The following DPYD variants were observed in gnomAD, a reference collection of about 807,000 sequenced individuals.
The protein encoded by DPYD is dihydropyrimidine dehydrogenase, also known as dihydropyrimidine dehydrogenase [NADP(+)].
Under a neutral mutation model 116.2 loss-of-function variants are expected in DPYD, and 109 were observed. That is an observed-to-expected ratio of 0.94 (90% CI 0.80 to 1.10). The LOEUF (loss-of-function observed/expected upper bound fraction) is 1.10, where lower values mean the gene tolerates loss of function less well. Among genes scored for constraint, DPYD ranks in the 50% least tolerant of loss-of-function variants. The probability of loss-of-function intolerance (pLI) is 0.00; values close to 1 mark genes in which losing one functional copy is unlikely to be tolerated. For missense variants in DPYD, 1,302 were observed against 1,254.5 expected (o/e 1.04, Z -0.57); for synonymous variants, 440 against 432.0 (o/e 1.02, Z -0.23).
intron 3 of DPYD, among the ~76,000 whole-genome samples, chr1:97,820,916 G>C (rs190802006): frequency 6.6e-6 from 1 of 152,010 alleles, no homozygotes; most frequent in Non-Finnish European, 1.5e-5. Flanking sequence ...ACTCCCAATA[G>C]TATTTTTATT....
At chr1:97,109,407 T>A (rs1651427376) in intron 20 of DPYD, among the ~76,000 whole-genome samples, 1 of 152,154 alleles carries the variant, frequency 6.6e-6, no homozygotes, top group Admixed American at 6.6e-5. Flanking sequence ...AAAATGCTAC[T>A]GCTTTCATGG....
At chr1:97,829,920 T>A (rs1394979264) in intron 2 of DPYD, among the ~76,000 whole-genome samples, 2 of 150,548 alleles carry the variant, frequency 1.3e-5, no homozygotes, top group Non-Finnish European at 3.0e-5. Flanking sequence ...CCAGACAGGC[T>A]CCAGTGTGGG....
intron 18 of DPYD, among the ~76,000 whole-genome samples, chr1:97,237,233 T>C (rs1381938855): frequency 8.5e-6 from 1 of 117,626 alleles, no homozygotes; most frequent in Non-Finnish European, 1.7e-5. Context: ...AAGAGCAAGA[T>C]TCTGTCTCAA....
intron 12 of DPYD, among the ~76,000 whole-genome samples, chr1:97,537,448 T>C (rs865981302): frequency 1.8e-4 from 27 of 152,140 alleles, no homozygotes; most frequent in Non-Finnish European, 2.8e-4. Flanking sequence ...TCCTTTAAAA[T>C]GTCCCCAAAT....
At chr1:97,903,509 C>G (rs535480295) in intron 1 of DPYD, among the ~76,000 whole-genome samples, 24 of 151,914 alleles carry the variant, frequency 1.6e-4, no homozygotes, top group African/African-American at 5.8e-4. Flanking sequence ...ACATGTTGGT[C>G]TAGCAAATCA....
chr1:97,565,920 G>A (rs1406792683), intron 11 of DPYD, among the ~76,000 whole-genome samples: 2 of 152,158 alleles, frequency 1.3e-5, no homozygotes, highest in Non-Finnish European at 2.9e-5. Context: ...ATGAGAACAT[G>A]CATGAAGTAA....
intron 20 of DPYD, among the ~76,000 whole-genome samples, chr1:97,105,894 G>C (rs1010663205): frequency 6.6e-6 from 1 of 152,098 alleles, no homozygotes; most frequent in African/African-American, 2.4e-5. Context: ...GAGAAGTAAG[G>C]AAATGAAGTG....
At chr1:97,426,565 G>A (rs750327143) in intron 14 of DPYD, among the ~76,000 whole-genome samples, 4 of 152,200 alleles carry the variant, frequency 2.6e-5, no homozygotes, top group Middle Eastern at 3.4e-3. Context: ...ATGGCACTGC[G>A]AAGCAGGAAG....
At chr1:97,725,908 T>C (rs1299868501) in intron 4 of DPYD, among the ~76,000 whole-genome samples, 2 of 151,560 alleles carry the variant, frequency 1.3e-5, no homozygotes, top group East Asian at 1.9e-4. Flanking sequence ...GTGGTGATGG[T>C]TGAAACTGCA....
intron 14 of DPYD, among the ~76,000 whole-genome samples, chr1:97,401,256 T>G (rs1673361876): frequency 6.6e-6 from 1 of 152,082 alleles, no homozygotes; most frequent in Admixed American, 6.6e-5. Flanking sequence ...TTTCTCCCAG[T>G]CGGTGGCTTG....
At chr1:97,460,736 TC>T (rs910148280) in intron 13 of DPYD, among the ~76,000 whole-genome samples, 1 of 152,076 alleles carries the variant, frequency 6.6e-6, no homozygotes, top group Non-Finnish European at 1.5e-5. Flanking sequence ...CAAGATTAAC[TC>T]CTTGCAAAAG....
chr1:97,086,062 T>C (rs1041158998), intron 21 of DPYD, among the ~76,000 whole-genome samples: 1 of 152,196 alleles, frequency 6.6e-6, no homozygotes, highest in Non-Finnish European at 1.5e-5. Context: ...TGTTTTGTTT[T>C]GTTTTGTTTG....
intron 11 of DPYD, among the ~76,000 whole-genome samples, chr1:97,572,694 A>AT (rs1652982961): frequency 6.6e-6 from 1 of 152,028 alleles, no homozygotes; most frequent in Non-Finnish European, 1.5e-5. Context: ...AAATGTCTAG[A>AT]TAAAAAGTGA....
At chr1:97,493,450 A>T (rs949963143) in intron 13 of DPYD, among the ~76,000 whole-genome samples, 1 of 152,172 alleles carries the variant, frequency 6.6e-6, no homozygotes, top group African/African-American at 2.4e-5. Context: ...TAAGAAGTAA[A>T]GGTGTGAGAT....
intron 12 of DPYD, among the ~76,000 whole-genome samples, chr1:97,524,559 A>G (rs1182129154): frequency 2.6e-5 from 4 of 152,190 alleles, no homozygotes; most frequent in African/African-American, 4.8e-5. Flanking sequence ...ATATTCCCAC[A>G]AAGTTCTGAG....
intron 3 of DPYD, among the ~76,000 whole-genome samples, chr1:97,814,747 T>C (rs1348080195): frequency 2.6e-5 from 4 of 151,578 alleles, no homozygotes; most frequent in Admixed American, 2.6e-4. Flanking sequence ...CCACTAAAAA[T>C]ACAAAAACTA....
chr1:97,890,082 A>C (rs1672704494), intron 1 of DPYD, among the ~76,000 whole-genome samples: 1 of 151,936 alleles, frequency 6.6e-6, no homozygotes, highest in African/African-American at 2.4e-5. Flanking sequence ...TAGAGATAAA[A>C]AGTATATTAG....
At chr1:97,411,811 TTC>T (rs1674011278) in intron 14 of DPYD, among the ~76,000 whole-genome samples, 2 of 152,204 alleles carry the variant, frequency 1.3e-5, no homozygotes, top group African/African-American at 4.8e-5. Context: ...ATTGGAACCT[TTC>T]TGGTATAGAC....
At chr1:97,529,106 G>A (rs531933126) in intron 12 of DPYD, among the ~76,000 whole-genome samples, 97 of 152,124 alleles carry the variant, frequency 6.4e-4, no homozygotes, top group African/African-American at 2.1e-3. Context: ...TCTTTCTGAT[G>A]TATTCTTTTT....
Sources: allele counts gnomAD v4.1 joint callset (sites outside exome capture counted in the v4.1 genomes callset), GRCh38; gene constraint gnomAD v4.1.1; transcripts MANE v1.5; gene names NCBI Gene and HGNC (gene_info 2026-07-23, HGNC 2026-07-21).